Variants in KMO observed in about 807,000 individuals in gnomAD.
The protein encoded by KMO is kynurenine 3-monooxygenase.
In KMO, 24 loss-of-function variants were observed where a neutral mutation model predicts 57.8. The ratio of observed to expected loss-of-function variants is 0.42; its 90% CI spans 0.30 to 0.58. KMO has a LOEUF of 0.58. KMO is among the 20% of genes least tolerant of loss of function. The probability of loss-of-function intolerance (pLI) is 0.22; values close to 1 mark genes in which losing one functional copy is unlikely to be tolerated. For missense variants in KMO, 483 were observed against 588.2 expected (o/e 0.82, Z 1.85); for synonymous variants, 210 against 193.6 (o/e 1.08, Z -0.70).
chr1:241,589,767 A>G (rs138901265), intron 12 of KMO, among the ~76,000 whole-genome samples: 14 of 152,322 alleles, frequency 9.2e-5, no homozygotes, highest in African/African-American at 3.1e-4. Context: ...GACTTCCTCT[A>G]TTGAACCCTG....
At chr1:241,543,849 G>A (rs1271491030) in intron 1 of KMO, among the ~76,000 whole-genome samples, 3 of 152,260 alleles carry the variant, frequency 2.0e-5, no homozygotes, top group East Asian at 1.9e-4. Context: ...TGGCAAACAC[G>A]TAAGCGTTGG....
chr1:241,539,275 T>C (rs1359558014), intron 1 of KMO, among the ~76,000 whole-genome samples: 1 of 151,812 alleles, frequency 6.6e-6, no homozygotes, highest in East Asian at 1.9e-4. Flanking sequence ...TCCCAGTTAT[T>C]CGGGAGGCTG....
chr1:241,538,779 C>A (rs1284870117), intron 1 of KMO, among the ~76,000 whole-genome samples: 1 of 152,154 alleles, frequency 6.6e-6, no homozygotes, highest in Non-Finnish European at 1.5e-5. Flanking sequence ...GGGAATTCAT[C>A]CCTCAGAGAT....
intron 2 of KMO, among the ~76,000 whole-genome samples, chr1:241,549,260 A>AGAAAGTCG (rs1558414937): frequency 2.2e-5 from 3 of 139,034 alleles, no homozygotes; most frequent in African/African-American, 5.5e-5. Flanking sequence ...AAAGAAAGAA[A>AGAAAGTCG]GAAAGAAAGG....
At position 241,560,649 on chromosome 1, in the gene KMO, T is replaced by C; in HGVS notation, c.362-16T>C. On this transcript the variant is annotated splice_polypyrimidine_tract_variant and intron_variant, in intron 5 of 14. Transcript: ENST00000366559. Reference sequence around the variant, plus strand: ...TGAGATTTCATTTCTGTTTGCCTCTTTCTCCATTTCCTCAGCTGCTGAGAA... The same window carrying C: ...TGAGATTTCATTTCTGTTTGCCTCTCTCTCCATTTCCTCAGCTGCTGAGAA... 1 of 1,575,254 alleles carries C rather than the reference T, an allele frequency of 6.3e-7. No individual in the cohort carries two copies. Among genetic ancestry groups the C allele is most frequent in the Non-Finnish European group, 8.7e-7 (1 of 1,144,648 alleles).
intron 1 of KMO, among the ~76,000 whole-genome samples, chr1:241,539,855 T>C (rs75569337): frequency 0.011 from 1,616 of 152,234 alleles, 27 homozygotes; most frequent in African/African-American, 0.037. Context: ...AATTGCCCTT[T>C]GGTGGGCCAT....
chr1:241,569,616 C>T (rs1490589262), intron 10 of KMO, among the ~76,000 whole-genome samples: 1 of 152,098 alleles, frequency 6.6e-6, no homozygotes, highest in African/African-American at 2.4e-5. Context: ...CTGCAATAAA[C>T]ATGGGAGTGC....
At chr1:241,560,854 T>C in intron 6 of KMO, 102 bp downstream of exon 6, 1 of 786,408 alleles carries the variant, frequency 1.3e-6, no homozygotes, top group Non-Finnish European at 2.2e-6. Context: ...GTTAAAAGAT[T>C]ATTGAAAGGA....
intron 1 of KMO, among the ~76,000 whole-genome samples, chr1:241,546,537 C>G (rs1661156374): frequency 6.6e-6 from 1 of 151,976 alleles, no homozygotes; most frequent in Admixed American, 6.6e-5. Context: ...TAACTAGAGG[C>G]AGAAAGGTGA....
Position 241,548,803 on chromosome 1 carries a change from A to G in KMO, c.55-26A>G, listed in dbSNP as rs1433820409. ...TCCCTATATTTGTGGAATCAGATAA[A>G]TATTTAATTTTTTTTTAATTTCTAG... is the stretch of plus-strand genomic sequence containing the variant. On this transcript the variant is annotated intron_variant, in intron 1 of 14. Coordinates refer to ENST00000366559, the MANE Select transcript of KMO (RefSeq NM_003679.5). 7 of 1,422,164 alleles carry G rather than the reference A, an allele frequency of 4.9e-6. No homozygotes were observed. In the East Asian group the frequency reaches 1.4e-4, roughly 28 times the overall value. The allele number at this position is 1,422,164 out of a possible 1,614,324, so 88.1% of individuals were successfully genotyped here.
chr1:241,583,089 C>T (rs12068162), intron 10 of KMO, among the ~76,000 whole-genome samples: 3,563 of 152,246 alleles, frequency 0.023, 121 homozygotes, highest in African/African-American at 0.081. Flanking sequence ...AGGGAGAATT[C>T]CTTGGGTTAC....
intron 10 of KMO, 35 bp from the exon 11 acceptor site, chr1:241,586,644 T>TAGAA: frequency 7.4e-7 from 1 of 1,355,834 alleles, no homozygotes; most frequent in East Asian, 2.3e-5. Context: ...TTATTATTTC[T>TAGAA]AGTTTCTTAT....
intron 1 of KMO, among the ~76,000 whole-genome samples, chr1:241,544,703 T>G (rs1025056286): frequency 6.6e-6 from 1 of 152,192 alleles, no homozygotes; most frequent in African/African-American, 2.4e-5. Flanking sequence ...TTTTTTACAT[T>G]GATTTTTACC....
intron 10 of KMO, among the ~76,000 whole-genome samples, chr1:241,577,856 A>G (rs1204036304): frequency 6.6e-6 from 1 of 152,106 alleles, no homozygotes; most frequent in Non-Finnish European, 1.5e-5. Context: ...TCAGTGAAAC[A>G]CACTGAAGTC....
chr1:241,557,375 G>A (rs1353782665), intron 5 of KMO, among the ~76,000 whole-genome samples: 4 of 152,034 alleles, frequency 2.6e-5, no homozygotes, highest in South Asian at 4.1e-4. Flanking sequence ...CTAGTCCCTC[G>A]TGATGGAGCC....
chr1:241,541,795 G>C (rs1378723807), intron 1 of KMO, among the ~76,000 whole-genome samples: 3 of 152,142 alleles, frequency 2.0e-5, no homozygotes, highest in East Asian at 1.9e-4. Context: ...TCTTCTCATT[G>C]CATTGATATA....
intron 5 of KMO, among the ~76,000 whole-genome samples, chr1:241,556,105 A>T (rs1277031336): frequency 6.6e-6 from 1 of 152,128 alleles, no homozygotes; most frequent in African/African-American, 2.4e-5. Context: ...AAAAAAAGAA[A>T]TAAATAAATG....
Position 241,590,255 on chromosome 1 carries a change from CA to C in KMO, c.1259del (p.Lys420ArgfsTer2). 2.5e-6 allele frequency: 4 copies of C among 1,609,314 alleles called. No homozygotes were observed. The highest frequency in any genetic ancestry group is 2.2e-5 in the South Asian group (2 of 90,600). On this transcript the variant is annotated frameshift_variant, in exon 14 of 15. Coordinates refer to ENST00000366559, the MANE Select transcript of KMO (RefSeq NM_003679.5). LOFTEE classifies it low-confidence loss of function (END_TRUNC). ...YHEAVQRWHW[Q>X]KKVINKGLFF... ...TGAGGCTGTGCAGCGTTGGCATTGGCAAAAAAAGGTTGGAACAGTTACATTT... is the reference window on the plus strand; with the variant it reads ...TGAGGCTGTGCAGCGTTGGCATTGGCAAAAAAGGTTGGAACAGTTACATTT...
At chr1:241,549,142 C>T (rs532155662) in intron 2 of KMO, among the ~76,000 whole-genome samples, 1 of 148,762 alleles carries the variant, frequency 6.7e-6, no homozygotes, top group South Asian at 2.1e-4. Context: ...GTGCTCCAGC[C>T]TGGGTGAAAG....
Sources: gnomAD v4.1 joint callset for allele counts (sites outside exome capture counted in the v4.1 genomes callset) on GRCh38, gnomAD v4.1.1 for gene constraint, MANE v1.5 for transcripts, NCBI Gene and HGNC (gene_info 2026-07-23, HGNC 2026-07-21) for gene names.